The following KCNH1 variants were observed in gnomAD, a reference collection of about 807,000 sequenced individuals.
KCNH1 encodes the protein voltage-gated delayed rectifier potassium channel KCNH1.
Under a neutral mutation model 69.2 loss-of-function variants are expected in KCNH1, and 27 were observed. That is an observed-to-expected ratio of 0.39 (90% CI 0.29 to 0.54). The LOEUF (loss-of-function observed/expected upper bound fraction) is 0.54. Ranked by LOEUF, KCNH1 falls within the 20% of genes least tolerant of loss-of-function variation. The probability of loss-of-function intolerance (pLI) is 0.68; values close to 1 mark genes in which losing one functional copy is unlikely to be tolerated. For missense variants in KCNH1, 798 were observed against 1,261.6 expected (o/e 0.63, Z 5.57); for synonymous variants, 456 against 487.7 (o/e 0.93, Z 0.86).
chr1:211,004,033 G>A (rs1233759955), intron 6 of KCNH1, among the ~76,000 whole-genome samples: 1 of 152,126 alleles, frequency 6.6e-6, no homozygotes, highest in East Asian at 1.9e-4. Context: ...GACGGAGCCT[G>A]CAGTGAGCCT....
At chr1:210,786,516 A>G (rs1308199609) in intron 9 of KCNH1, among the ~76,000 whole-genome samples, 2 of 151,738 alleles carry the variant, frequency 1.3e-5, no homozygotes, top group Admixed American at 6.6e-5. Flanking sequence ...TCGGGCTCCT[A>G]TAAATTGGTA....
intron 5 of KCNH1, among the ~76,000 whole-genome samples, chr1:211,040,368 T>C (rs1689973072): frequency 6.6e-6 from 1 of 152,126 alleles, no homozygotes; most frequent in African/African-American, 2.4e-5. Context: ...GGGGTGCTAA[T>C]TGAATTGTGG....
At chr1:210,985,588 T>C (rs1302110324) in intron 6 of KCNH1, among the ~76,000 whole-genome samples, 2 of 152,062 alleles carry the variant, frequency 1.3e-5, no homozygotes, top group Non-Finnish European at 2.9e-5. Context: ...TGTAGTTGAG[T>C]GGTTTTGAGT....
intron 7 of KCNH1, among the ~76,000 whole-genome samples, chr1:210,869,711 T>C (rs1686196919): frequency 6.6e-6 from 1 of 152,134 alleles, no homozygotes; most frequent in Non-Finnish European, 1.5e-5. Flanking sequence ...GACTTTACTC[T>C]AGGGCTTATT....
chr1:211,090,436 C>G, intron 4 of KCNH1, 126 bp downstream of exon 4: 1 of 805,804 alleles, frequency 1.2e-6, no homozygotes, highest in South Asian at 2.0e-5. Flanking sequence ...TTGCTCTATA[C>G]AAATTAAAGT....
chr1:210,861,104 G>T, intron 7 of KCNH1: 1 of 875,248 alleles, frequency 1.1e-6, no homozygotes. Flanking sequence ...CTTCTGGGCA[G>T]CAGTGGCAAA....
chr1:211,118,411 A>AGG (rs1691624356), intron 1 of KCNH1, among the ~76,000 whole-genome samples: 1 of 152,190 alleles, frequency 6.6e-6, no homozygotes, highest in Non-Finnish European at 1.5e-5. Flanking sequence ...TGATTTATTC[A>AGG]TTGGCTCTCA....
chr1:210,718,649 TATACACACAC>T (rs1438398807), intron 10 of KCNH1, among the ~76,000 whole-genome samples: 17 of 72,328 alleles, frequency 2.4e-4, no homozygotes, highest in African/African-American at 1.4e-3. Flanking sequence ...TACATATATA[TATACACACAC>T]ACACACACAC....
chr1:210,831,206 C>T (rs1350236311), intron 7 of KCNH1, among the ~76,000 whole-genome samples: 6 of 152,194 alleles, frequency 3.9e-5, no homozygotes, highest in Non-Finnish European at 7.3e-5. Flanking sequence ...CTAACTGATG[C>T]TTTATTCTGT....
intron 10 of KCNH1, among the ~76,000 whole-genome samples, chr1:210,733,001 G>C (rs943862026): frequency 2.0e-5 from 3 of 152,184 alleles, no homozygotes; most frequent in Non-Finnish European, 4.4e-5. Flanking sequence ...GCAGCTCTCC[G>C]AGGTGAGTCT....
intron 10 of KCNH1, among the ~76,000 whole-genome samples, chr1:210,714,681 G>A (rs920371300): frequency 5.3e-5 from 8 of 152,146 alleles, no homozygotes; most frequent in Admixed American, 2.6e-4. Flanking sequence ...TGCTGGAGAC[G>A]TAAAGAGGAT....
intron 6 of KCNH1, among the ~76,000 whole-genome samples, chr1:210,953,156 G>GCTCTAA (rs1364268441): frequency 2.6e-5 from 4 of 151,886 alleles, no homozygotes; most frequent in Non-Finnish European, 5.9e-5. Context: ...TAGAGCAAAG[G>GCTCTAA]GTGAGACTTT....
intron 7 of KCNH1, among the ~76,000 whole-genome samples, chr1:210,871,570 A>G (rs904122514): frequency 5.3e-4 from 80 of 152,308 alleles, no homozygotes; most frequent in African/African-American, 1.9e-3. Context: ...ACAAAGGACT[A>G]TAAATCATGC....
rs546683997 is a variant in KCNH1, at chr1:210,681,556, C to T, written c.*1725G>A. The T allele has an allele frequency of 7.3e-5, 11 of 149,942 alleles. No individual in the cohort carries two copies. The highest frequency in any genetic ancestry group is 2.1e-4 in the East Asian group (1 of 4,840). The allele number at this position is 149,942 out of a possible 1,614,324, so 9.3% of individuals were successfully genotyped here. ...GTCAGCCCTGCCTTGCACAGACAAC[C>T]GAGGGCCCAGCCCTGGGACTCGCCG... On this transcript the variant is annotated 3_prime_UTR_variant, in exon 11 of 11. Coordinates refer to ENST00000271751, the MANE Select transcript of KCNH1 (RefSeq NM_172362.3).
intron 5 of KCNH1, among the ~76,000 whole-genome samples, chr1:211,055,765 C>CA (rs1464450149): frequency 1.3e-5 from 2 of 152,182 alleles, no homozygotes; most frequent in African/African-American, 2.4e-5. Flanking sequence ...GGGGCCCCCC[C>CA]ATTCTGGGCT....
At chr1:210,793,408 T>C (rs1359967464) in intron 9 of KCNH1, among the ~76,000 whole-genome samples, 3 of 152,242 alleles carry the variant, frequency 2.0e-5, no homozygotes, top group East Asian at 1.9e-4. Flanking sequence ...TCAAATTCTG[T>C]GTATAACTGT....
chr1:210,900,728 A>G (rs1297034181), intron 7 of KCNH1, among the ~76,000 whole-genome samples: 1 of 152,188 alleles, frequency 6.6e-6, no homozygotes, highest in African/African-American at 2.4e-5. Context: ...GAGTGGCAGA[A>G]GAGCCACAAT....
intron 8 of KCNH1, among the ~76,000 whole-genome samples, chr1:210,798,468 C>G (rs1199021837): frequency 6.6e-6 from 1 of 152,166 alleles, no homozygotes; most frequent in African/African-American, 2.4e-5. Flanking sequence ...GGAGTGAGGG[C>G]AAAGGGGCAG....
intron 5 of KCNH1, 125 bp from the exon 6 acceptor site, chr1:211,019,381 G>A: frequency 4.9e-6 from 3 of 616,430 alleles, no homozygotes; most frequent in Non-Finnish European, 5.7e-6. Context: ...TACAATAACA[G>A]GTATGAAAGA....
Sources: gnomAD v4.1 joint callset for allele counts (sites outside exome capture counted in the v4.1 genomes callset) on GRCh38, gnomAD v4.1.1 for gene constraint, MANE v1.5 for transcripts, NCBI Gene and HGNC (gene_info 2026-07-23, HGNC 2026-07-21) for gene names.